ZRANB3: variants seen among roughly 807,000 people sequenced by gnomAD.
The protein encoded by ZRANB3 is DNA annealing helicase and endonuclease ZRANB3.
In ZRANB3, 125 loss-of-function variants were observed where a neutral mutation model predicts 133.8. That is an observed-to-expected ratio of 0.93 (90% CI 0.81 to 1.08). ZRANB3 has a LOEUF of 1.08. Ranked by LOEUF, ZRANB3 falls within the 50% of genes least tolerant of loss-of-function variation. The pLI is 0.00. For synonymous variants in ZRANB3, 387 were observed against 432.7 expected (o/e 0.89, Z 1.31); for missense variants, 1,229 against 1,275.5 (o/e 0.96, Z 0.56).
intron 2 of ZRANB3, among the ~76,000 whole-genome samples, chr2:135,405,828 G>T (rs1307543572): frequency 6.6e-6 from 1 of 152,176 alleles, no homozygotes; most frequent in Non-Finnish European, 1.5e-5. Flanking sequence ...GCAGTGTGTA[G>T]AGGGAAATTT....
At chr2:135,465,026 C>T (rs190209770) in intron 2 of ZRANB3, among the ~76,000 whole-genome samples, 87 of 152,274 alleles carry the variant, frequency 5.7e-4, no homozygotes, top group Non-Finnish European at 9.4e-4. Flanking sequence ...GAAGGCATTT[C>T]AGTCTATAGG....
At chr2:135,413,140 C>G (rs1480733787) in intron 2 of ZRANB3, among the ~76,000 whole-genome samples, 2 of 152,118 alleles carry the variant, frequency 1.3e-5, no homozygotes, top group Non-Finnish European at 2.9e-5. Flanking sequence ...TCTTTCTTCC[C>G]TATTAAGACA....
intron 8 of ZRANB3, among the ~76,000 whole-genome samples, chr2:135,278,722 T>C (rs756277035): frequency 6.6e-6 from 1 of 152,172 alleles, no homozygotes; most frequent in African/African-American, 2.4e-5. Flanking sequence ...AAGAAAAACC[T>C]TTATAATTAT....
chr2:135,452,326 T>C (rs1011855439), intron 2 of ZRANB3, among the ~76,000 whole-genome samples: 1 of 152,084 alleles, frequency 6.6e-6, no homozygotes, highest in Non-Finnish European at 1.5e-5. Flanking sequence ...CAAGTTGAGA[T>C]TTGAATGGGT....
At chr2:135,327,861 T>C (rs1558919587) in intron 6 of ZRANB3, among the ~76,000 whole-genome samples, 1 of 152,102 alleles carries the variant, frequency 6.6e-6, no homozygotes, top group African/African-American at 2.4e-5. Flanking sequence ...AATTATGTAT[T>C]TTAGTTACTG....
chr2:135,506,497 A>G (rs1019196549), intron 1 of ZRANB3, among the ~76,000 whole-genome samples: 4 of 152,204 alleles, frequency 2.6e-5, no homozygotes, highest in African/African-American at 7.2e-5. Context: ...AGCCTTGATA[A>G]TAACTTTGGA....
chr2:135,301,819 G>T (rs1228487683), intron 8 of ZRANB3, among the ~76,000 whole-genome samples: 1 of 152,046 alleles, frequency 6.6e-6, no homozygotes, highest in Non-Finnish European at 1.5e-5. Flanking sequence ...ACACACTATT[G>T]TAGCTGAATA....
chr2:135,392,883 T>C (rs59358948), intron 2 of ZRANB3, among the ~76,000 whole-genome samples: 1 of 147,774 alleles, frequency 6.8e-6, no homozygotes, highest in Non-Finnish European at 1.5e-5. Context: ...ATATGTTTTT[T>C]GGTTTTTTTT....
intron 17 of ZRANB3, among the ~76,000 whole-genome samples, chr2:135,213,189 C>T (rs1694172208): frequency 6.6e-6 from 1 of 152,146 alleles, no homozygotes; most frequent in African/African-American, 2.4e-5. Context: ...AGTAAAATGT[C>T]GCTGCTGTCA....
At chr2:135,323,724 TAGAA>T (rs1683655607) in intron 6 of ZRANB3, among the ~76,000 whole-genome samples, 1 of 152,058 alleles carries the variant, frequency 6.6e-6, no homozygotes. Context: ...AAACTAGAAT[TAGAA>T]AGGGTCTTTC....
chr2:135,486,183 T>C (rs886357273), intron 2 of ZRANB3, among the ~76,000 whole-genome samples: 2 of 152,240 alleles, frequency 1.3e-5, no homozygotes, highest in Non-Finnish European at 1.5e-5. Flanking sequence ...GAAAGATTTC[T>C]TGAAGCATAC....
At chr2:135,245,314 A>C (rs1349753538) in intron 12 of ZRANB3, among the ~76,000 whole-genome samples, 11 of 152,302 alleles carry the variant, frequency 7.2e-5, no homozygotes, top group African/African-American at 2.4e-4. Context: ...AATCAGCAGG[A>C]AGTTGGTTGA....
In ZRANB3 at chr2:135,202,853, G is replaced by A; in HGVS notation, c.3120C>T (p.Leu1040=). ...TGACCTCTTTGTGACAGACTGTGCAGAGAGTCTGCAGGTTGTCCAGGGAAC... is the reference window on the plus strand; with the variant it reads ...TGACCTCTTTGTGACAGACTGTGCAAAGAGTCTGCAGGTTGTCCAGGGAAC... ...GQCSLDNLQT[L]CTVCHKERTA... The change falls in exon 20 of 21, where the codon CTC becomes CTT. Residue 1040 remains leucine, a synonymous_variant. Transcript: ENST00000264159. The A allele has an allele frequency of 6.2e-7, 1 of 1,609,452 alleles. No homozygotes were observed. Among genetic ancestry groups the A allele is most frequent in the East Asian group, 2.2e-5 (1 of 44,762 alleles).
intron 2 of ZRANB3, among the ~76,000 whole-genome samples, chr2:135,457,811 G>C (rs1690595453): frequency 1.3e-5 from 2 of 151,808 alleles, no homozygotes. Context: ...ATATATTCTT[G>C]ATACAAGTCC....
At chr2:135,455,589 C>CTTTTTTTTTT (rs929421233) in intron 2 of ZRANB3, among the ~76,000 whole-genome samples, 2 of 126,474 alleles carry the variant, frequency 1.6e-5, no homozygotes, top group Non-Finnish European at 3.4e-5. Flanking sequence ...TGATTTTTTT[C>CTTTTTTTTTT]TTTTTTTTTT....
At chr2:135,504,235 T>C (rs1044286515) in intron 2 of ZRANB3, 94 bp downstream of exon 2, 2 of 1,438,172 alleles carry the variant, frequency 1.4e-6, no homozygotes, top group African/African-American at 1.4e-5. Context: ...AAAGAAAGAC[T>C]GTGAATACAC....
intron 1 of ZRANB3, among the ~76,000 whole-genome samples, chr2:135,530,308 G>A (rs1361397432): frequency 6.6e-6 from 1 of 152,142 alleles, no homozygotes; most frequent in African/African-American, 2.4e-5. Context: ...AGGCAGTAGA[G>A]GTACTTTCTA....
chr2:135,209,112 G>A (rs1173440100), intron 17 of ZRANB3, 134 bp from the exon 18 acceptor site: 3 of 713,104 alleles, frequency 4.2e-6, no homozygotes, highest in Non-Finnish European at 4.4e-6. Flanking sequence ...TGAAACTCAA[G>A]TTAGAAAATG....
intron 8 of ZRANB3, among the ~76,000 whole-genome samples, chr2:135,301,098 C>A (rs1176749937): frequency 6.6e-6 from 1 of 152,068 alleles, no homozygotes; most frequent in Non-Finnish European, 1.5e-5. Flanking sequence ...GCAGCCTTGA[C>A]CTTCTGGGCT....
Sources: allele counts gnomAD v4.1 joint callset (sites outside exome capture counted in the v4.1 genomes callset), GRCh38; gene constraint gnomAD v4.1.1; transcripts MANE v1.5; gene names NCBI Gene and HGNC (gene_info 2026-07-23, HGNC 2026-07-21).